The following TASP1 variants were observed in gnomAD, a reference collection of about 807,000 sequenced individuals.
TASP1 encodes the protein taspase 1.
TASP1 carries 16 observed loss-of-function variants against 56.6 expected under a neutral mutation model. The ratio of observed to expected loss-of-function variants is 0.28; its 90% CI spans 0.19 to 0.43. TASP1 has a LOEUF of 0.43. TASP1 is among the 20% of genes least tolerant of loss of function. The probability of loss-of-function intolerance (pLI) is 1.00; values close to 1 mark genes in which losing one functional copy is unlikely to be tolerated. For synonymous variants in TASP1, 179 were observed against 184.2 expected, an observed-to-expected ratio of 0.97 and a Z score of 0.23; for missense variants, 393 against 511.6, an observed-to-expected ratio of 0.77 and a Z score of 2.24.
intron 11 of TASP1, among the ~76,000 whole-genome samples, chr20:13,435,607 C>T (rs1206419185): frequency 1.3e-5 from 2 of 152,126 alleles, no homozygotes; most frequent in African/African-American, 2.4e-5. Context: ...TTATTATAAA[C>T]ATTTTTAAAT....
intron 8 of TASP1, among the ~76,000 whole-genome samples, chr20:13,545,652 T>TC (rs2045781773): frequency 6.6e-6 from 1 of 151,974 alleles, no homozygotes; most frequent in Admixed American, 6.6e-5. Flanking sequence ...CACATTTTTT[T>TC]TTAAAATATC....
At chr20:13,373,733 A>C in the TASP1 span, among the ~76,000 whole-genome samples, 1 of 152,202 alleles carries the variant, frequency 6.6e-6, no homozygotes, top group East Asian at 1.9e-4. Flanking sequence ...ACAGAAAATA[A>C]TGGATCTCTC....
At chr20:13,279,604 A>T in the TASP1 span, 2 of 1,594,758 alleles carry the variant, frequency 1.3e-6, no homozygotes, top group Non-Finnish European at 1.7e-6. Context: ...TTGACTCCAC[A>T]CTGACCCCAG....
Position 13,632,291 on chromosome 20 carries a change from G to A in TASP1, c.-74-2139C>T, listed in dbSNP as rs538317950. 8.3e-4 allele frequency among the ~76,000 whole-genome samples: 125 copies of A among 150,080 alleles called. 2 individuals carry two copies. The highest frequency in any genetic ancestry group is 2.5e-3 in the African/African-American group (101 of 40,770). On this transcript the variant is annotated intron_variant, in intron 1 of 13. Transcript: ENST00000337743. ...AGGAGAATTGCTTGAACTGGGACCC[G>A]GGAGGCGAGGTTGCAGTGAGCAGAG...
intron 11 of TASP1, among the ~76,000 whole-genome samples, chr20:13,478,346 T>TAGATAC (rs1555872729): frequency 7.1e-6 from 1 of 140,194 alleles, no homozygotes; most frequent in Non-Finnish European, 1.6e-5. Context: ...GAAAATATGA[T>TAGATAC]ACACACACAC....
At chr20:13,473,630 A>G (rs1011341614) in intron 11 of TASP1, among the ~76,000 whole-genome samples, 1 of 152,156 alleles carries the variant, frequency 6.6e-6, no homozygotes, top group Non-Finnish European at 1.5e-5. Flanking sequence ...TACCTCTTAA[A>G]TTAGATAACT....
chr20:13,425,437 C>T (rs1328965042), intron 12 of TASP1, among the ~76,000 whole-genome samples: 1 of 152,100 alleles, frequency 6.6e-6, no homozygotes, highest in African/African-American at 2.4e-5. Context: ...AGTCACTCTC[C>T]TCCTCTTTAA....
chr20:13,455,109 TA>T (rs1006221117), intron 11 of TASP1, among the ~76,000 whole-genome samples: 3 of 152,004 alleles, frequency 2.0e-5, no homozygotes. Flanking sequence ...AATGCCTTCT[TA>T]AAAAAACAGG....
At chr20:13,307,409 A>G in the TASP1 span, among the ~76,000 whole-genome samples, 1 of 152,262 alleles carries the variant, frequency 6.6e-6, no homozygotes, top group African/African-American at 2.4e-5. Flanking sequence ...AAGAAAAAAC[A>G]GAATATAAGG....
chr20:13,377,931 A>G, the TASP1 span, among the ~76,000 whole-genome samples: 1 of 151,862 alleles, frequency 6.6e-6, no homozygotes, highest in African/African-American at 2.4e-5. Context: ...CCCCTTTATC[A>G]TTTTTTATTG....
At chr20:13,520,146 T>C (rs2044686216) in intron 10 of TASP1, among the ~76,000 whole-genome samples, 1 of 152,074 alleles carries the variant, frequency 6.6e-6, no homozygotes. Context: ...TGAAAGAACA[T>C]TCCATGCTCA....
chr20:13,477,759 T>C (rs1414116596), intron 11 of TASP1, among the ~76,000 whole-genome samples: 1 of 152,190 alleles, frequency 6.6e-6, no homozygotes, highest in East Asian at 1.9e-4. Context: ...CTGGTTAGCA[T>C]GAAGTATTAT....
Position 13,390,203 on chromosome 20 carries a change from A to C in TASP1, c.*157T>G. On this transcript the variant is annotated 3_prime_UTR_variant, in exon 14 of 14. Transcript: ENST00000337743. The stretch of plus-strand genomic sequence containing the variant: ...ACCCACCAAAGGCCCGCGTGTCACT[A>C]AGCGCTAACTACAGCAGCACTTGTG... The C allele has an allele frequency of 1.6e-6, 1 of 636,462 alleles. No individual in the cohort carries two copies. Among genetic ancestry groups the C allele is most frequent in the Non-Finnish European group, 2.7e-6 (1 of 369,942 alleles). The allele number at this position is 636,462 out of a possible 1,614,324, so 39.4% of individuals were successfully genotyped here. A position where few individuals can be genotyped will look rare whatever the true frequency, so the allele number is the denominator to read the frequency against.
rs2044444831 is a variant in TASP1 at position 13,514,346 on chromosome 20, ACTC to A, written c.874+14084_874+14086del. ...GAGAGAGAGAAATGGAGAAACAAGA[ACTC>A]CTCAGCATTATTAAACACAGCCATA... On this transcript the variant is annotated intron_variant, in intron 10 of 13. Coordinates refer to ENST00000337743, the MANE Select transcript of TASP1 (RefSeq NM_017714.3). 2.0e-5 allele frequency among the ~76,000 whole-genome samples: 3 copies of A among 152,092 alleles called. No homozygotes were observed. The South Asian group carries it at 6.2e-4, about 32-fold the overall frequency.
At chr20:13,226,540 C>T in the TASP1 span, among the ~76,000 whole-genome samples, 35,965 of 152,000 alleles carry the variant, frequency 0.24, 4,294 homozygotes, top group African/African-American at 0.28. Flanking sequence ...CAGCACCTTG[C>T]TTGGGCTCAG....
chr20:13,528,906 A>G (rs893100012), intron 9 of TASP1, among the ~76,000 whole-genome samples: 2 of 152,084 alleles, frequency 1.3e-5, no homozygotes, highest in African/African-American at 4.8e-5. Flanking sequence ...GAGCTTACTG[A>G]TAAGAACCCT....
chr20:13,562,131 G>C (rs2046363155), intron 7 of TASP1, among the ~76,000 whole-genome samples: 1 of 151,956 alleles, frequency 6.6e-6, no homozygotes. Flanking sequence ...AGAAATCAAT[G>C]GTAGAAGAAA....
chr20:13,358,014 C>A, the TASP1 span, among the ~76,000 whole-genome samples: 65 of 152,198 alleles, frequency 4.3e-4, no homozygotes, highest in African/African-American at 1.4e-3. Flanking sequence ...ATGAAATTCC[C>A]CCACAAAAGA....
the TASP1 span, among the ~76,000 whole-genome samples, chr20:13,294,517 C>T: frequency 7.2e-5 from 11 of 152,216 alleles, no homozygotes; most frequent in Admixed American, 7.2e-4. Flanking sequence ...TTGCAGAACA[C>T]AGCCCAGATG....
Sources: gnomAD v4.1 joint callset for allele counts (sites outside exome capture counted in the v4.1 genomes callset) on GRCh38, gnomAD v4.1.1 for gene constraint, MANE v1.5 for transcripts, NCBI Gene and HGNC (gene_info 2026-07-23, HGNC 2026-07-21) for gene names.